Variants in LIFR observed in about 807,000 individuals in gnomAD.
LIFR encodes the protein LIF receptor subunit alpha.
Under a neutral mutation model 122.2 loss-of-function variants are expected in LIFR, and 84 were observed. The observed-to-expected ratio is 0.69, with a 90% CI of 0.58 to 0.82. The LOEUF is 0.82. Among genes scored for constraint, LIFR ranks in the 40% least tolerant of loss-of-function variants. The probability of loss-of-function intolerance (pLI) is 0.00; values close to 1 mark genes in which losing one functional copy is unlikely to be tolerated. For missense variants in LIFR, 1,294 were observed against 1,311.6 expected, an observed-to-expected ratio of 0.99 and a Z score of 0.21; for synonymous variants, 422 against 434.7, an observed-to-expected ratio of 0.97 and a Z score of 0.36.
chr5:38,514,481 T>C (rs892117019), intron 5 of LIFR, among the ~76,000 whole-genome samples: 2 of 152,220 alleles, frequency 1.3e-5, no homozygotes, highest in African/African-American at 4.8e-5. Flanking sequence ...ATGTATTCCT[T>C]TGGTAAGCAT....
chr5:38,592,225 T>C (rs1401469860), intron 1 of LIFR, among the ~76,000 whole-genome samples: 1 of 152,136 alleles, frequency 6.6e-6, no homozygotes, highest in Non-Finnish European at 1.5e-5. Context: ...GTAACTCTAC[T>C]CTGTTTTCTG....
chr5:38,506,317 A>G (rs968063193), intron 8 of LIFR, among the ~76,000 whole-genome samples, 186 bp downstream of exon 8: 1 of 152,180 alleles, frequency 6.6e-6, no homozygotes, highest in African/African-American at 2.4e-5. Context: ...GCTTCTTAAA[A>G]GAGGAGACAT....
Position 38,475,881 on chromosome 5 carries a change from C to T in LIFR, c.*5714G>A, listed in dbSNP as rs1016623024. The T allele has an allele frequency of 5.3e-6, 1 of 188,632 alleles. No individual in the cohort carries two copies. Among genetic ancestry groups the T allele is most frequent in the African/African-American group, 2.3e-5 (1 of 42,804 alleles). 11.7% of individuals were successfully genotyped at this position (188,632 alleles called of 1,614,324 possible). Reference sequence around the variant, plus strand: ...TGGTACTATCTTAAATCTAGGATGTCTATCTATCCAGGCCAATCTTTTGCA... The same window carrying T: ...TGGTACTATCTTAAATCTAGGATGTTTATCTATCCAGGCCAATCTTTTGCA... On this transcript the variant is annotated 3_prime_UTR_variant, in exon 20 of 20. Transcript: ENST00000453190.
At chr5:38,587,480 GAA>G (rs35454214) in intron 1 of LIFR, among the ~76,000 whole-genome samples, 56 of 138,752 alleles carry the variant, frequency 4.0e-4, no homozygotes, top group African/African-American at 5.9e-4. Context: ...CCGAAGGACT[GAA>G]AAAAAAAAAA....
chr5:38,564,989 A>T (rs140199618), intron 1 of LIFR, among the ~76,000 whole-genome samples: 174 of 151,582 alleles, frequency 1.1e-3, no homozygotes, highest in African/African-American at 4.2e-3. Flanking sequence ...TGGCCAACTG[A>T]TCTCAAACTC....
intron 1 of LIFR, among the ~76,000 whole-genome samples, chr5:38,555,237 AG>A (rs1748454361): frequency 6.6e-6 from 1 of 152,226 alleles, no homozygotes; most frequent in South Asian, 2.1e-4. Flanking sequence ...TTTCTCTGCC[AG>A]GCTTAGACAA....
chr5:38,557,857 A>C (rs186530775), upstream of LIFR: 6 of 152,328 alleles, frequency 3.9e-5, no homozygotes, highest in African/African-American at 1.4e-4. Flanking sequence ...CGTATTTTGA[A>C]CACTAAAAAC....
chr5:38,503,863 G>C, intron 10 of LIFR, 113 bp downstream of exon 10: 1 of 790,008 alleles, frequency 1.3e-6, no homozygotes, highest in Non-Finnish European at 2.1e-6. Flanking sequence ...TTGGTTCTTA[G>C]TAAATCTCTA....
chr5:38,547,944 G>A (rs1173602557), intron 1 of LIFR, among the ~76,000 whole-genome samples: 1 of 152,090 alleles, frequency 6.6e-6, no homozygotes, highest in African/African-American at 2.4e-5. Flanking sequence ...AAAAGGTACA[G>A]TAAAAATATA....
At chr5:38,527,359 G>A in intron 3 of LIFR, 65 bp from the exon 4 acceptor site, 1 of 1,098,362 alleles carries the variant, frequency 9.1e-7, no homozygotes, top group Non-Finnish European at 1.4e-6. Flanking sequence ...ATAAAAATTT[G>A]GTTAACACAA....
chr5:38,557,664 T>G (rs1026116764), upstream of LIFR: 5 of 154,770 alleles, frequency 3.2e-5, no homozygotes, highest in African/African-American at 1.2e-4. Context: ...CAAAGCAATT[T>G]ATAAATTGGC....
intron 7 of LIFR, among the ~76,000 whole-genome samples, chr5:38,510,022 G>C (rs898506467): frequency 3.3e-5 from 5 of 152,156 alleles, no homozygotes; most frequent in Non-Finnish European, 7.3e-5. Flanking sequence ...TTAAAAGATG[G>C]AGAAGATATG....
intron 12 of LIFR, 79 bp downstream of exon 12, chr5:38,499,434 T>C (rs1745059128): frequency 1.0e-6 from 1 of 1,002,762 alleles, no homozygotes; most frequent in South Asian, 1.3e-5. Flanking sequence ...TTTCAGCTCC[T>C]TGATAACCCA....
Position 38,511,830 on chromosome 5 carries a change from G to A in LIFR, c.696C>T (p.Leu232=), listed in dbSNP as rs1234256365. 1.2e-5 allele frequency: 19 copies of A among 1,613,910 alleles called. 1 individual carries two copies. The highest frequency in any genetic ancestry group is 5.3e-5 in the African/African-American group (4 of 74,970). The part of the protein sequence containing the change: ...CYIDNLHFSG[L]EEWSDWSPVK... ...CAGGGCTCCAGTCACTCCACTCTTC[G>A]AGACCAGAAAAATGAAGATTGTCAA... Residue 232 remains leucine, a synonymous_variant, in exon 6 of 20, where the codon CTC becomes CTT. Coordinates refer to ENST00000453190, the MANE Select transcript of LIFR (RefSeq NM_001127671.2).
intron 7 of LIFR, 85 bp downstream of exon 7, chr5:38,510,379 A>G: frequency 9.4e-7 from 1 of 1,059,854 alleles, no homozygotes; most frequent in Non-Finnish European, 1.4e-6. Context: ...CACTCCTCCC[A>G]CCCCCCCACT....
At chr5:38,553,044 T>C (rs1376281015) in intron 1 of LIFR, among the ~76,000 whole-genome samples, 1 of 152,124 alleles carries the variant, frequency 6.6e-6, no homozygotes, top group Non-Finnish European at 1.5e-5. Flanking sequence ...ATGCAACACA[T>C]ATGGGCACCA....
At position 38,479,804 on chromosome 5, in the gene LIFR, G is replaced by A. The variant is rs2112345931; in HGVS notation, c.*1791C>T. On this transcript the variant is annotated 3_prime_UTR_variant, in exon 20 of 20. Transcript: ENST00000453190. ...AGGAAGACAAGAGAACACTCTTTAG[G>A]GATGGCTCTGATTGGATATATTTTT... 1 of 230,178 alleles carries A rather than the reference G, an allele frequency of 4.3e-6. No homozygotes were observed. Among genetic ancestry groups the A allele is most frequent in the East Asian group, 6.2e-5 (1 of 16,216 alleles). The allele number at this position is 230,178 out of a possible 1,614,324, so 14.3% of individuals were successfully genotyped here.
At chr5:38,537,249 C>T (rs1277898948) in intron 1 of LIFR, among the ~76,000 whole-genome samples, 1 of 152,204 alleles carries the variant, frequency 6.6e-6, no homozygotes, top group Admixed American at 6.5e-5. Context: ...ACCCCTTCCT[C>T]TCCATACCGC....
At chr5:38,485,347 CAG>C (rs1415298289) in intron 17 of LIFR, among the ~76,000 whole-genome samples, 2 of 152,194 alleles carry the variant, frequency 1.3e-5, no homozygotes, top group African/African-American at 2.4e-5. Context: ...AACTCCAACT[CAG>C]GGGTAGAGGA....
Sources: gnomAD v4.1 joint callset for allele counts (sites outside exome capture counted in the v4.1 genomes callset) on GRCh38, gnomAD v4.1.1 for gene constraint, MANE v1.5 for transcripts, NCBI Gene and HGNC (gene_info 2026-07-23, HGNC 2026-07-21) for gene names.